The following MYBL2 variants were observed in gnomAD, a reference collection of about 807,000 sequenced individuals.
The protein encoded by MYBL2 is MYB proto-oncogene like 2.
Under a neutral mutation model 79.9 loss-of-function variants are expected in MYBL2, and 28 were observed. The ratio of observed to expected loss-of-function variants is 0.35; its 90% confidence interval spans 0.26 to 0.48. The LOEUF (loss-of-function observed/expected upper bound fraction) is 0.48. Ranked by LOEUF, MYBL2 falls within the 20% of genes least tolerant of loss-of-function variation. The pLI is 0.99. For synonymous variants in MYBL2, 378 were observed against 361.2 expected, an observed-to-expected ratio of 1.05 and a Z score of -0.53; for missense variants, 735 against 893.9, an observed-to-expected ratio of 0.82 and a Z score of 2.27.
chr20:43,686,926 G>A lies in MYBL2; in HGVS notation c.354G>A (p.Gly118=), dbSNP rs1025497500. The change falls in exon 5 of 14, where the codon GGG becomes GGA. Residue 118 remains glycine, a synonymous_variant. Coordinates refer to ENST00000217026, the MANE Select transcript of MYBL2 (RefSeq NM_002466.4). The stretch of plus-strand genomic sequence containing the variant: ...CCAAGCACCTGAAGGGCCGGCTGGG[G>A]AAGCAGTGCCGTGAACGCTGGCACA... The part of the protein sequence containing the change: ...LIAKHLKGRL[G]KQCRERWHNH... 2.5e-6 allele frequency: 4 copies of A among 1,614,110 alleles called. No individual in the cohort carries two copies. Among genetic ancestry groups the A allele is most frequent in the Non-Finnish European group, 3.4e-6 (4 of 1,180,044 alleles).
In MYBL2 at chr20:43,706,717, AAGT is replaced by A. The variant is rs1431991038; in HGVS notation, c.1505+1360_1505+1362del. On this transcript the variant is annotated intron_variant, in intron 9 of 13. Coordinates refer to ENST00000217026, the MANE Select transcript of MYBL2 (RefSeq NM_002466.4). Reference sequence around the variant, plus strand: ...CCCTGTCTGTACACAAAAAAAAAAAAAGTTTTTTTTTTTTTTGAGATGGAGTCT... The same window carrying A: ...CCCTGTCTGTACACAAAAAAAAAAAATTTTTTTTTTTTTGAGATGGAGTCT... 6.3e-5 allele frequency among the ~76,000 whole-genome samples: 6 copies of A among 95,286 alleles called. 2 individuals are homozygous for A. In the Admixed American group the frequency reaches 7.7e-4, roughly 12 times the overall value. The allele number at this position is 95,286 out of a possible 152,430, so 62.5% of individuals were successfully genotyped here.
At chr20:43,699,727 A>T (rs755636312) in intron 6 of MYBL2, 30 bp from the exon 7 acceptor site, 1 of 1,610,742 alleles carries the variant, frequency 6.2e-7, no homozygotes, top group Non-Finnish European at 8.5e-7. Context: ...TCTCAGCGAA[A>T]TGCAAATGGT....
intron 11 of MYBL2, among the ~76,000 whole-genome samples, chr20:43,712,690 G>A (rs1329336120): frequency 6.6e-6 from 1 of 152,096 alleles, no homozygotes; most frequent in Non-Finnish European, 1.5e-5. Flanking sequence ...CTGTTTGAGG[G>A]GCTGTGTCTG....
Position 43,692,308 on chromosome 20 carries a change from A to G in MYBL2, c.652A>G (p.Thr218Ala), listed in dbSNP as rs1440072581. Residue 218 changes from threonine to alanine, a missense_variant, in exon 6 of 14, where the codon ACG (threonine) becomes GCG (alanine). Physicochemically the swap from Thr to Ala is moderately conservative, Grantham distance 58. Transcript: ENST00000217026. ...DKDGLQSAQP[T>A]EGQGSLLTNW... ...GGACGGCCTCCAGAGTGCCCAGCCC[A>G]CGGAAGGCCAGGTGAGACAGCTGCT... 9.9e-6 allele frequency: 16 copies of G among 1,613,972 alleles called. No individual in the cohort carries two copies. In the Middle Eastern group the frequency reaches 9.9e-4, roughly 99 times the overall value.
rs1987155170 is a variant in MYBL2 at position 43,681,990 on chromosome 20, G to A, written c.186+135G>A. 4.8e-6 allele frequency: 4 copies of A among 838,006 alleles called. No homozygotes were observed. The South Asian group carries it at 6.5e-5, about 14-fold the overall frequency. 51.9% of individuals were successfully genotyped at this position (838,006 alleles called of 1,614,324 possible). A position where few individuals can be genotyped will look rare whatever the true frequency, so the allele number is the denominator to read the frequency against. ...CTGAAAACAAAACCAAATAAAACAG[G>A]GCAAATGGACCTTTGTAGGATCTCT... On this transcript the variant is annotated intron_variant, in intron 3 of 13. Transcript: ENST00000217026.
In MYBL2 at chr20:43,699,754, C is replaced by T. The variant is rs1176904135; in HGVS notation, c.664-3C>T. The T allele has an allele frequency of 6.2e-7, 1 of 1,613,884 alleles. No individual in the cohort carries two copies. Among genetic ancestry groups the T allele is most frequent in the East Asian group, 2.2e-5 (1 of 44,888 alleles). ...GCAAATGGTGTATTCTTGTGTCTTACAGGGAAGTCTTCTGACCAACTGGCC... is the reference window on the plus strand; with the variant it reads ...GCAAATGGTGTATTCTTGTGTCTTATAGGGAAGTCTTCTGACCAACTGGCC... On this transcript the variant is annotated splice_polypyrimidine_tract_variant and splice_region_variant and intron_variant, in intron 6 of 13. Transcript: ENST00000217026.
intron 4 of MYBL2, among the ~76,000 whole-genome samples, chr20:43,683,552 T>C (rs1471875721): frequency 0.011 from 1,407 of 122,718 alleles, 96 homozygotes; most frequent in African/African-American, 0.035. Flanking sequence ...GAACTAGGCA[T>C]TTTTTTTTTT....
intron 1 of MYBL2, among the ~76,000 whole-genome samples, chr20:43,669,993 A>G (rs1291758043): frequency 6.6e-6 from 1 of 152,208 alleles, no homozygotes; most frequent in Non-Finnish European, 1.5e-5. Context: ...AAGCGCGGCT[A>G]TTCGGGAGGC....
intron 2 of MYBL2, among the ~76,000 whole-genome samples, chr20:43,674,391 ATTTT>A (rs3091618): frequency 2.9e-5 from 4 of 135,886 alleles, no homozygotes; most frequent in African/African-American, 5.5e-5. Context: ...CATCCAGCTA[ATTTT>A]TTTTTTTTTT....
At chr20:43,692,969 G>C (rs960678706) in intron 6 of MYBL2, among the ~76,000 whole-genome samples, 1 of 152,014 alleles carries the variant, frequency 6.6e-6, no homozygotes, top group Non-Finnish European at 1.5e-5. Flanking sequence ...ACTGTGATCT[G>C]TTTTCTGTCT....
chr20:43,682,315 TCCCACCCCTGA>T (rs1987162365), intron 3 of MYBL2, among the ~76,000 whole-genome samples: 12 of 151,314 alleles, frequency 7.9e-5, no homozygotes, highest in Admixed American at 7.2e-4. Flanking sequence ...TCTCAGGCCC[TCCCACCCCTGA>T]CCCACAGGTG....
rs562726540 is a variant in MYBL2 at position 43,691,426 on chromosome 20, A to T, written c.501-731A>T. Among the ~76,000 whole-genome samples the T allele has an allele frequency of 8.9e-4, 136 of 151,964 alleles. 3 individuals carry two copies. Among genetic ancestry groups the T allele is most frequent in the Middle Eastern group, 3.4e-3 (1 of 292 alleles). The stretch of plus-strand genomic sequence containing the variant: ...AACCTCCACCTCCCGGGTTTAAGCG[A>T]TTCTCATGCCTCAGACTCCCAAGTA... On this transcript the variant is annotated intron_variant, in intron 5 of 13. Transcript: ENST00000217026.
At chr20:43,686,320 G>C (rs1356381492) in intron 4 of MYBL2, among the ~76,000 whole-genome samples, 1 of 152,144 alleles carries the variant, frequency 6.6e-6, no homozygotes, top group Non-Finnish European at 1.5e-5. Flanking sequence ...CTGAGGGCAG[G>C]TGGGGACTCA....
intron 2 of MYBL2, among the ~76,000 whole-genome samples, chr20:43,681,201 C>T (rs1987133847): frequency 6.6e-6 from 1 of 152,184 alleles, no homozygotes; most frequent in Admixed American, 6.6e-5. Context: ...GCTTCTAGTG[C>T]TGAATCACTG....
intron 6 of MYBL2, among the ~76,000 whole-genome samples, chr20:43,694,953 C>T (rs965329927): frequency 1.3e-5 from 2 of 152,176 alleles, no homozygotes; most frequent in African/African-American, 4.8e-5. Context: ...TGGCTTTTGT[C>T]CCCTGACACT....
At chr20:43,700,274 A>T (rs567929179) in intron 7 of MYBL2, among the ~76,000 whole-genome samples, 2 of 152,060 alleles carry the variant, frequency 1.3e-5, no homozygotes, top group East Asian at 3.9e-4. Context: ...GTGGCATCTG[A>T]CCTCTATGTA....
intron 4 of MYBL2, among the ~76,000 whole-genome samples, chr20:43,684,534 C>CTTT (rs752809652): frequency 1.0e-3 from 136 of 136,190 alleles, no homozygotes; most frequent in African/African-American, 3.3e-3. Flanking sequence ...TGTGCCCGGC[C>CTTT]TTTTTTTTTT....
At chr20:43,681,964 C>T in intron 3 of MYBL2, 109 bp downstream of exon 3, 1 of 1,163,094 alleles carries the variant, frequency 8.6e-7, no homozygotes, top group Non-Finnish European at 1.2e-6. Flanking sequence ...TTACTCAGCC[C>T]CTGAAAACAA....
chr20:43,673,667 T>C, intron 1 of MYBL2, 139 bp from the exon 2 acceptor site: 1 of 794,478 alleles, frequency 1.3e-6, no homozygotes, highest in East Asian at 2.5e-5. Flanking sequence ...GAAGTGCCTA[T>C]GTCTTAAAAA....
Sources: gnomAD v4.1 joint callset for allele counts (sites outside exome capture counted in the v4.1 genomes callset) on GRCh38, gnomAD v4.1.1 for gene constraint, MANE v1.5 for transcripts, NCBI Gene and HGNC (gene_info 2026-07-23, HGNC 2026-07-21) for gene names.